Variants in FRMD4A observed in about 807,000 individuals in gnomAD.
FRMD4A encodes the protein FERM domain containing 4A, also known as FERM domain-containing protein 4A.
Under a neutral mutation model 129.1 loss-of-function variants are expected in FRMD4A, and 29 were observed. The ratio of observed to expected loss-of-function variants is 0.22; its 90% CI spans 0.17 to 0.31. The LOEUF (loss-of-function observed/expected upper bound fraction) is 0.31, where lower values mean the gene tolerates loss of function less well. FRMD4A is among the 10% of genes least tolerant of loss of function. The pLI is 1.00. For synonymous variants in FRMD4A, 634 were observed against 571.6 expected (o/e 1.11, Z -1.56); for missense variants, 1,272 against 1,375.8 (o/e 0.92, Z 1.19).
chr10:13,884,397 G>C (rs1245450887), intron 2 of FRMD4A, among the ~76,000 whole-genome samples: 3 of 152,086 alleles, frequency 2.0e-5, no homozygotes, highest in Non-Finnish European at 4.4e-5. Flanking sequence ...GAACATTATG[G>C]GGTGATTACA....
At chr10:14,187,279 A>T (rs1842178462) in intron 2 of FRMD4A, among the ~76,000 whole-genome samples, 1 of 152,246 alleles carries the variant, frequency 6.6e-6, no homozygotes, top group Non-Finnish European at 1.5e-5. Context: ...ATATCAGATC[A>T]TAGGATATTA....
At chr10:13,809,604 C>T (rs1000616899) in intron 4 of FRMD4A, among the ~76,000 whole-genome samples, 1 of 152,228 alleles carries the variant, frequency 6.6e-6, no homozygotes, top group East Asian at 1.9e-4. Context: ...GCAATTCCTC[C>T]TGCCCACCGA....
intron 2 of FRMD4A, among the ~76,000 whole-genome samples, chr10:13,894,171 C>T (rs1022500583): frequency 1.3e-5 from 2 of 152,210 alleles, no homozygotes; most frequent in Non-Finnish European, 2.9e-5. Context: ...GCCAGGCATA[C>T]TCAGGCCACA....
At chr10:13,806,266 A>C (rs1379751862) in intron 4 of FRMD4A, among the ~76,000 whole-genome samples, 1 of 152,182 alleles carries the variant, frequency 6.6e-6, no homozygotes, top group Non-Finnish European at 1.5e-5. Context: ...CTGAAATTAT[A>C]GGCATGAGCC....
intron 2 of FRMD4A, among the ~76,000 whole-genome samples, chr10:14,024,517 G>T (rs1351654648): frequency 6.6e-6 from 1 of 152,230 alleles, no homozygotes; most frequent in African/African-American, 2.4e-5. Context: ...TGATCACAAG[G>T]CAGGGTTGCC....
chr10:14,234,133 C>CT (rs1284287134), intron 2 of FRMD4A, among the ~76,000 whole-genome samples: 2 of 152,140 alleles, frequency 1.3e-5, no homozygotes, highest in African/African-American at 4.8e-5. Context: ...GAAAATGCAT[C>CT]TTTTTTTGTC....
At chr10:14,321,869 C>T (rs764438414) in intron 2 of FRMD4A, among the ~76,000 whole-genome samples, 8 of 152,030 alleles carry the variant, frequency 5.3e-5, no homozygotes, top group Non-Finnish European at 8.8e-5. Flanking sequence ...ATCATGGGGG[C>T]GGACTTCTCC....
chr10:13,922,844 AT>A, intron 2 of FRMD4A, among the ~76,000 whole-genome samples: 1 of 152,296 alleles, frequency 6.6e-6, no homozygotes, highest in East Asian at 1.9e-4. Context: ...TATTTCTGCC[AT>A]GTCTGTCTAT....
intron 2 of FRMD4A, among the ~76,000 whole-genome samples, chr10:14,276,270 T>C (rs1845337614): frequency 6.6e-6 from 1 of 152,170 alleles, no homozygotes; most frequent in African/African-American, 2.4e-5. Flanking sequence ...GAAAGGGCAC[T>C]GGGTTGCTCA....
rs562901813 is a variant in FRMD4A at position 14,069,762 on chromosome 10, C to T, written c.46-210850G>A. On this transcript the variant is annotated intron_variant, in intron 2 of 24. Transcript: ENST00000357447. ...GTTCTCCCTGCCCCTGCCCCAGTGG[C>T]TTCCCTTAGCAAAATCTAAAAGTTA... 2.8e-4 allele frequency among the ~76,000 whole-genome samples: 42 copies of T among 152,290 alleles called. No individual in the cohort carries two copies. In the South Asian group the frequency reaches 3.5e-3, roughly 13 times the overall value.
chr10:14,208,643 T>C (rs1842852303), intron 2 of FRMD4A, among the ~76,000 whole-genome samples: 2 of 152,028 alleles, frequency 1.3e-5, no homozygotes, highest in South Asian at 4.1e-4. Flanking sequence ...ACCCCCTGCC[T>C]ACAGGCTTGG....
chr10:13,983,949 G>A (rs2095571709), intron 2 of FRMD4A, among the ~76,000 whole-genome samples: 1 of 151,948 alleles, frequency 6.6e-6, no homozygotes, highest in South Asian at 2.1e-4. Flanking sequence ...GTTGCAGTGA[G>A]CCGAGACTGC....
At chr10:14,261,901 C>G (rs933902735) in intron 2 of FRMD4A, among the ~76,000 whole-genome samples, 2 of 149,684 alleles carry the variant, frequency 1.3e-5, no homozygotes, top group African/African-American at 4.9e-5. Flanking sequence ...TCCAACCCAG[C>G]CTCTGTTATT....
chr10:14,034,274 C>G (rs1038824410), intron 2 of FRMD4A, among the ~76,000 whole-genome samples: 4 of 152,130 alleles, frequency 2.6e-5, no homozygotes, highest in African/African-American at 9.7e-5. Flanking sequence ...CGGTACCCAG[C>G]TGGTTGTCTG....
chr10:13,907,952 G>A (rs2131216587), intron 2 of FRMD4A, among the ~76,000 whole-genome samples: 1 of 151,320 alleles, frequency 6.6e-6, no homozygotes, highest in East Asian at 1.9e-4. Context: ...GATCACCTGA[G>A]GTCAGGAGTT....
At chr10:13,799,049 G>GC (rs1006090791) in intron 4 of FRMD4A, among the ~76,000 whole-genome samples, 8 of 152,012 alleles carry the variant, frequency 5.3e-5, no homozygotes, top group Admixed American at 1.3e-4. Context: ...GGATGGGGGG[G>GC]TCCTCCTCCG....
At chr10:14,197,960 G>A (rs183552270) in intron 2 of FRMD4A, among the ~76,000 whole-genome samples, 23 of 152,272 alleles carry the variant, frequency 1.5e-4, no homozygotes, top group Admixed American at 6.5e-4. Flanking sequence ...TGGAGTTTCC[G>A]CTCTGGCTCT....
At chr10:13,964,529 C>CAA (rs1565125619) in intron 2 of FRMD4A, among the ~76,000 whole-genome samples, 1 of 152,104 alleles carries the variant, frequency 6.6e-6, no homozygotes, top group Non-Finnish European at 1.5e-5. Flanking sequence ...GTCATGAAAC[C>CAA]AATGAAGCTT....
chr10:13,980,284 G>T (rs1303469311), intron 2 of FRMD4A, among the ~76,000 whole-genome samples: 1 of 152,214 alleles, frequency 6.6e-6, no homozygotes, highest in African/African-American at 2.4e-5. Flanking sequence ...CAGTCCCACA[G>T]TGTCACTGAG....
Sources: allele counts gnomAD v4.1 joint callset (sites outside exome capture counted in the v4.1 genomes callset), GRCh38; gene constraint gnomAD v4.1.1; transcripts MANE v1.5; gene names NCBI Gene and HGNC (gene_info 2026-07-23, HGNC 2026-07-21).